CRAT: variants seen among roughly 807,000 people sequenced by gnomAD.
CRAT encodes carnitine acetylase.
CRAT carries 66 observed loss-of-function variants against 73.7 expected under a neutral mutation model. The observed-to-expected ratio is 0.90, with a 90% CI of 0.73 to 1.10. CRAT has a LOEUF of 1.10. Among genes scored for constraint, CRAT ranks in the 50% least tolerant of loss-of-function variants. CRAT has a pLI of 0.00. For synonymous variants in CRAT, 321 were observed against 343.2 expected (o/e 0.94, Z 0.71); for missense variants, 745 against 846.9 (o/e 0.88, Z 1.49).
Position 129,103,500 on chromosome 9 carries a change from C to T in CRAT, c.411-434G>A, listed in dbSNP as rs911580874. On this transcript the variant is annotated intron_variant, in intron 3 of 13. Coordinates refer to ENST00000318080, the MANE Select transcript of CRAT (RefSeq NM_000755.5). The surrounding 1 kb of genome is among the most constrained non-coding windows in gnomAD (Gnocchi z 4.6). Reference sequence around the variant, plus strand: ...TGGTGTGATGGGAGAGCAGTGGCTCCGGTGTTCCCTCCACTAGGTCCCTTC... The same window carrying T: ...TGGTGTGATGGGAGAGCAGTGGCTCTGGTGTTCCCTCCACTAGGTCCCTTC... Among the ~76,000 whole-genome samples, 6 of 152,114 alleles carry T rather than the reference C, an allele frequency of 3.9e-5. No individual in the cohort carries two copies. Among genetic ancestry groups the T allele is most frequent in the African/African-American group, 1.2e-4 (5 of 41,402 alleles).
chr9:129,108,936 G>A (rs1848190968), intron 1 of CRAT: 2 of 1,259,934 alleles, frequency 1.6e-6, no homozygotes, highest in African/African-American at 1.5e-5. Flanking sequence ...AAGATTCAGC[G>A]GGAGGCAGGT....
chr9:129,100,013 G>A (rs1006573927), intron 7 of CRAT, 47 bp from the exon 8 acceptor site: 6 of 1,523,784 alleles, frequency 3.9e-6, no homozygotes, highest in Admixed American at 1.7e-5. Flanking sequence ...GCCCTGGGGG[G>A]TGGCCCCTCA....
At chr9:129,098,722 G>T in intron 8 of CRAT, 72 bp from the exon 9 acceptor site, 1 of 1,524,214 alleles carries the variant, frequency 6.6e-7, no homozygotes, top group Non-Finnish European at 8.7e-7. Context: ...GACCAGGGTG[G>T]GGAGGATGGG....
chr9:129,101,827 C>A, intron 6 of CRAT, 56 bp downstream of exon 6: 3 of 1,581,184 alleles, frequency 1.9e-6, no homozygotes, highest in South Asian at 2.3e-5. Context: ...TGAGGCTGGT[C>A]CCCAACAGGG....
At position 129,103,191 on chromosome 9, in the gene CRAT, T is replaced by A; in HGVS notation, c.411-125A>T. 1 of 854,880 alleles carries A rather than the reference T, an allele frequency of 1.2e-6. No individual in the cohort carries two copies. Among genetic ancestry groups the A allele is most frequent in the Non-Finnish European group, 2.0e-6 (1 of 500,242 alleles). 53.0% of individuals were successfully genotyped at this position (854,880 alleles called of 1,614,324 possible). ...CCTCTCTCACCGCTTCCAGAAAGCC[T>A]GGGAGCGCAAGGGAGGGGCCTGCGA... On this transcript the variant is annotated intron_variant, in intron 3 of 13. Coordinates refer to ENST00000318080, the MANE Select transcript of CRAT (RefSeq NM_000755.5). The surrounding 1 kb of genome is among the most constrained non-coding windows in gnomAD (Gnocchi z 4.6).
intron 12 of CRAT, 85 bp from the exon 13 acceptor site, chr9:129,096,220 C>A: frequency 1.3e-6 from 2 of 1,549,916 alleles, no homozygotes; most frequent in Non-Finnish European, 1.8e-6. Flanking sequence ...CAGCGCCACC[C>A]TTCGCAGGCA....
rs940897692 is a variant in CRAT at position 129,108,627 on chromosome 9, G to A, written c.28-550C>T. On this transcript the variant is annotated intron_variant, in intron 1 of 13. Transcript: ENST00000318080. ...GGGCAGTGCTGTGGCGAGAGAGCCGGGTGGCCTGGCATGGAGGGTGAGAGG... is the reference window on the plus strand; with the variant it reads ...GGGCAGTGCTGTGGCGAGAGAGCCGAGTGGCCTGGCATGGAGGGTGAGAGG... The A allele has an allele frequency of 1.1e-5, 13 of 1,145,308 alleles. No homozygotes were observed. The East Asian group carries it at 2.9e-4, about 26-fold the overall frequency. The allele number at this position is 1,145,308 out of a possible 1,614,324, so 70.9% of individuals were successfully genotyped here. A position where few individuals can be genotyped will look rare whatever the true frequency, so the allele number is the denominator to read the frequency against.
rs1280864499 is a variant in CRAT at position 129,110,390 on chromosome 9, G to A, written c.27+93C>T. The A allele has an allele frequency of 2.2e-6, 3 of 1,338,706 alleles. No homozygotes were observed. The highest frequency in any genetic ancestry group is 3.1e-5 in the African/African-American group (2 of 64,986). The allele number at this position is 1,338,706 out of a possible 1,614,324, so 82.9% of individuals were successfully genotyped here. A position where few individuals can be genotyped will look rare whatever the true frequency, so the allele number is the denominator to read the frequency against. On this transcript the variant is annotated intron_variant, in intron 1 of 13. Coordinates refer to ENST00000318080, the MANE Select transcript of CRAT (RefSeq NM_000755.5). This position sits in a 1 kb window ranked among gnomAD's most constrained non-coding sequence, Gnocchi z 5.3. ...CATCAGCTGGAGGCCGGGTCGAACA[G>A]CGGCCGCAGGACGCGGTCTCCGTTC...
In CRAT at chr9:129,095,537, T is replaced by G. The variant is rs1847226548; in HGVS notation, c.1741A>C (p.Met581Leu). 6 of 1,613,478 alleles carry G rather than the reference T, an allele frequency of 3.7e-6. No homozygotes were observed. The highest frequency in any genetic ancestry group is 5.1e-6 in the Non-Finnish European group (6 of 1,179,990). Residue 581 changes from methionine (M) to leucine (L), a missense_variant, in exon 14 of 14, where the codon ATG becomes CTG. Transcript: ENST00000318080. ...PDGYGVCYNP[M>L]EAHINFSLSA... ...AGGGAGAAGTTGATGTGGGCCTCCA[T>G]GGGGTTATAGCAGACACCGTAGCCG...
In CRAT at chr9:129,108,014, G is replaced by A. The variant is rs994154085; in HGVS notation, c.91C>T (p.His31Tyr). The A allele has an allele frequency of 2.5e-6, 4 of 1,571,898 alleles. No individual in the cohort carries two copies. In the South Asian group the frequency reaches 3.5e-5, roughly 14 times the overall value. The change falls in exon 2 of 14, where the codon CAC becomes TAC. Residue 31 changes from histidine (H) to tyrosine (Y), a missense_variant. Transcript: ENST00000318080. ...LMKASSRFKA[H>Y]QDALPRLPVP... ...GGCAGCCGTGGCAGTGCATCCTGGTGTGCCTTGAAGCGGCTGGAAGCCTTC... is the reference window on the plus strand; with the variant it reads ...GGCAGCCGTGGCAGTGCATCCTGGTATGCCTTGAAGCGGCTGGAAGCCTTC...
intron 8 of CRAT, 105 bp from the exon 9 acceptor site, chr9:129,098,755 G>T (rs1280746383): frequency 7.3e-7 from 1 of 1,365,704 alleles, no homozygotes; most frequent in Non-Finnish European, 9.8e-7. Flanking sequence ...GAGGGGGCCA[G>T]CCCAGGGAGG....
At position 129,095,241 on chromosome 9, in the gene CRAT, C is replaced by A. The variant is rs11559172; in HGVS notation, c.*156G>T. On this transcript the variant is annotated 3_prime_UTR_variant, in exon 14 of 14. Coordinates refer to ENST00000318080, the MANE Select transcript of CRAT (RefSeq NM_000755.5). The stretch of plus-strand genomic sequence containing the variant: ...ACGGAAGGCACTTGGCTGGGGCCTG[C>A]AGGCCCCCTGGAGGATGCGGTCCGT... The A allele has an allele frequency of 3.7e-6, 3 of 813,012 alleles. No homozygotes were observed. The highest frequency in any genetic ancestry group is 5.7e-6 in the Non-Finnish European group (3 of 528,036). The allele number at this position is 813,012 out of a possible 1,614,324, so 50.4% of individuals were successfully genotyped here.
Position 129,110,491 on chromosome 9 carries a change from T to C in CRAT, c.19A>G (p.Arg7Gly), listed in dbSNP as rs947966373. The C allele has an allele frequency of 4.4e-6, 7 of 1,583,526 alleles. No homozygotes were observed. Among genetic ancestry groups the C allele is most frequent in the African/African-American group, 1.4e-5 (1 of 72,594 alleles). Residue 7 changes from arginine to glycine, a missense_variant, in exon 1 of 14, where the codon AGG (arginine) becomes GGG (glycine). Physicochemically the swap from Arg to Gly is moderately radical, Grantham distance 125. Coordinates refer to ENST00000318080, the MANE Select transcript of CRAT (RefSeq NM_000755.5). The surrounding 1 kb of genome is among the most constrained non-coding windows in gnomAD (Gnocchi z 5.3). ...GGATCCGCCGCACTCACCACGGTCCTGGCAGCGAAGGCTAACATCTTCGCT... is the reference window on the plus strand; with the variant it reads ...GGATCCGCCGCACTCACCACGGTCCCGGCAGCGAAGGCTAACATCTTCGCT... Reference protein sequence around the residue: MLAFAARTVVKPLGFLK... With the variant: MLAFAAGTVVKPLGFLK...
chr9:129,095,474 G>T lies in CRAT; in HGVS notation c.1804C>A (p.Arg602Ser). 1 of 1,613,424 alleles carries T rather than the reference G, an allele frequency of 6.2e-7. No homozygotes were observed. The change falls in exon 14 of 14, where the codon CGC becomes AGC. Residue 602 changes from arginine to serine, a missense_variant. By Grantham distance (110) the Arg-to-Ser change is moderately radical. Transcript: ENST00000318080. ...GCCTTCTCCAGGTAATGCGCCAGGC[G>T]GGCGGCGTTGGTCTCCGCGCAGCTG... ...YNSCAETNAARLAHYLEKALL... is the reference protein window; with the variant it reads ...YNSCAETNAASLAHYLEKALL...
intron 1 of CRAT, chr9:129,109,223 T>G (rs1430679926): frequency 7.7e-7 from 1 of 1,304,202 alleles, no homozygotes; most frequent in Non-Finnish European, 1.0e-6. Context: ...AAAACTTGGC[T>G]GGAGGACAGA....
intron 6 of CRAT, 126 bp downstream of exon 6, chr9:129,101,757 T>C: frequency 8.1e-7 from 1 of 1,233,782 alleles, no homozygotes; most frequent in East Asian, 2.4e-5. Flanking sequence ...CATGAACTCT[T>C]AACCTGTCTC....
At chr9:129,098,440 G>T (rs929992501) in intron 9 of CRAT, 69 bp from the exon 10 acceptor site, 33 of 1,599,472 alleles carry the variant, frequency 2.1e-5, no homozygotes, top group Non-Finnish European at 2.6e-5. Context: ...GGAGGGTCTG[G>T]GTGTCATGAC....
In CRAT at chr9:129,107,478, T is replaced by G; in HGVS notation, c.291+336A>C. On this transcript the variant is annotated intron_variant, in intron 2 of 13. Transcript: ENST00000318080. This position sits in a 1 kb window ranked among gnomAD's most constrained non-coding sequence, Gnocchi z 5.0. ...GCGATCGGTCACTGAGTGACACATA[T>G]CCCCTGCCTGAGGCTGTCCCACCAA... The G allele has an allele frequency of 1.6e-6, 1 of 615,928 alleles. No individual in the cohort carries two copies. Among genetic ancestry groups the G allele is most frequent in the Admixed American group, 2.5e-5 (1 of 40,002 alleles). The allele number at this position is 615,928 out of a possible 1,614,324, so 38.2% of individuals were successfully genotyped here.
chr9:129,109,123 T>G (rs1848208720), intron 1 of CRAT: 1 of 1,302,612 alleles, frequency 7.7e-7, no homozygotes, highest in Non-Finnish European at 1.0e-6. Flanking sequence ...CTTTCCTTTC[T>G]TCTCTGCATG....
Sources: gnomAD v4.1 joint callset for allele counts (sites outside exome capture counted in the v4.1 genomes callset) on GRCh38, gnomAD v4.1.1 for gene constraint, Gnocchi (gnomAD v3.1) non-coding constraint, MANE v1.5 for transcripts, NCBI Gene and HGNC (gene_info 2026-07-23, HGNC 2026-07-21) for gene names.